The following EHMT1 variants were observed in gnomAD, a reference collection of about 807,000 sequenced individuals.
The protein encoded by EHMT1 is histone-lysine N-methyltransferase EHMT1.
EHMT1 carries 15 observed loss-of-function variants against 147.2 expected under a neutral mutation model. The observed-to-expected ratio is 0.10, with a 90% confidence interval of 0.07 to 0.16. The LOEUF (loss-of-function observed/expected upper bound fraction) is 0.16, where lower values mean the gene tolerates loss of function less well. Ranked by LOEUF, EHMT1 falls within the 10% of genes least tolerant of loss-of-function variation. The probability of loss-of-function intolerance (pLI) is 1.00; values close to 1 mark genes in which losing one functional copy is unlikely to be tolerated. For missense variants in EHMT1, 1,587 were observed against 1,772.4 expected (o/e 0.90, Z 1.88); for synonymous variants, 795 against 709.6 (o/e 1.12, Z -1.91).
At chr9:137,742,435 G>T (rs1015106211) in intron 4 of EHMT1, among the ~76,000 whole-genome samples, 1 of 152,034 alleles carries the variant, frequency 6.6e-6, no homozygotes, top group Non-Finnish European at 1.5e-5. Context: ...GGGTCTTCAG[G>T]TGTGAGCTGC....
intron 13 of EHMT1, 76 bp from the exon 14 acceptor site, chr9:137,779,559 G>A (rs926711645): frequency 1.5e-5 from 22 of 1,514,702 alleles, no homozygotes; most frequent in African/African-American, 5.5e-5. Context: ...GGAGATGTCC[G>A]CCGGGCCTTC....
Position 137,774,568 on chromosome 9 carries a change from C to T in EHMT1, c.1648-541C>T, listed in dbSNP as rs1187480610. Among the ~76,000 whole-genome samples the T allele has an allele frequency of 5.3e-5, 6 of 113,530 alleles. No homozygotes were observed. In the East Asian group the frequency reaches 1.1e-3, roughly 20 times the overall value. The allele number at this position is 113,530 out of a possible 152,430, so 74.5% of individuals were successfully genotyped here. ...CCCCTGGATCTGGTGGGTGTGGGCA[C>T]GCCTGCCCCCTGGATCTGGTGGGTA... is the stretch of plus-strand genomic sequence containing the variant. On this transcript the variant is annotated intron_variant, in intron 10 of 26. Transcript: ENST00000460843.
intron 18 of EHMT1, among the ~76,000 whole-genome samples, chr9:137,807,005 C>T (rs1954004186): frequency 6.6e-6 from 1 of 152,182 alleles, no homozygotes; most frequent in African/African-American, 2.4e-5. Context: ...CTTAGTTTGT[C>T]TGTAAAGCAA....
intron 1 of EHMT1, among the ~76,000 whole-genome samples, chr9:137,688,495 G>A (rs1242241919): frequency 6.6e-6 from 1 of 152,174 alleles, no homozygotes; most frequent in African/African-American, 2.4e-5. Flanking sequence ...CACATGGAGG[G>A]CCACACTGAT....
intron 1 of EHMT1, among the ~76,000 whole-genome samples, chr9:137,672,321 T>C (rs1940765557): frequency 6.7e-6 from 1 of 150,004 alleles, no homozygotes; most frequent in Non-Finnish European, 1.5e-5. Flanking sequence ...AAAACTAACT[T>C]GATGCCATTT....
intron 3 of EHMT1, among the ~76,000 whole-genome samples, chr9:137,722,583 C>T (rs953800945): frequency 3.3e-5 from 5 of 152,156 alleles, no homozygotes; most frequent in Admixed American, 3.3e-4. Context: ...GCGGCAGAGA[C>T]TATGGGTGGG....
At chr9:137,718,327 C>T (rs1393029640) in intron 3 of EHMT1, among the ~76,000 whole-genome samples, 1 of 152,258 alleles carries the variant, frequency 6.6e-6, no homozygotes, top group Non-Finnish European at 1.5e-5. Flanking sequence ...TTAGTGTGCT[C>T]TCTCAGTTTG....
chr9:137,774,992 C>T (rs190138655), intron 10 of EHMT1, 117 bp from the exon 11 acceptor site: 628 of 1,472,796 alleles, frequency 4.3e-4, no homozygotes, highest in Non-Finnish European at 4.0e-4. Flanking sequence ...GGGCTCGGCT[C>T]AGTCAGCCCA....
At chr9:137,831,730 C>T (rs1452749834) in intron 25 of EHMT1, among the ~76,000 whole-genome samples, 1 of 152,216 alleles carries the variant, frequency 6.6e-6, no homozygotes, top group Non-Finnish European at 1.5e-5. Flanking sequence ...AGTGTTCTTT[C>T]GGACGTGTTC....
intron 23 of EHMT1, chr9:137,816,347 C>T: frequency 4.2e-6 from 2 of 478,192 alleles, no homozygotes; most frequent in Non-Finnish European, 7.7e-6. Flanking sequence ...CTAAGAATTA[C>T]CTTTGTTACC....
rs150913663 is a variant in EHMT1 at position 137,811,575 on chromosome 9, C to T, written c.2827C>T (p.Leu943=). 86 of 1,606,334 alleles carry T rather than the reference C, an allele frequency of 5.4e-5. 2 individuals carry two copies. The East Asian group carries it at 1.9e-3, about 35-fold the overall frequency. ...CGTGAACATCCACGGAGACTCGCCA[C>T]TGCACATTGCCGCCCGGGAGAACCG... The part of the protein sequence containing the change: ...HAVNIHGDSP[L]HIAARENRYD... The change falls in exon 19 of 27, where the codon CTG becomes TTG. Residue 943 remains leucine (L), a synonymous_variant. Coordinates refer to ENST00000460843, the MANE Select transcript of EHMT1 (RefSeq NM_024757.5).
At chr9:137,690,941 A>G (rs960772637) in intron 1 of EHMT1, among the ~76,000 whole-genome samples, 25 of 152,390 alleles carry the variant, frequency 1.6e-4, no homozygotes, top group African/African-American at 5.5e-4. Flanking sequence ...TTATGACAAC[A>G]TATACATAAC....
intron 4 of EHMT1, among the ~76,000 whole-genome samples, chr9:137,736,659 C>T (rs188649661): frequency 6.6e-4 from 100 of 152,328 alleles, no homozygotes; most frequent in African/African-American, 2.0e-3. Context: ...GGGAGGCTGA[C>T]GTGGGTGGAT....
chr9:137,774,339 G>A (rs987688464), intron 10 of EHMT1, among the ~76,000 whole-genome samples: 2 of 152,088 alleles, frequency 1.3e-5, no homozygotes, highest in Admixed American at 6.6e-5. Flanking sequence ...ATGTGGTCGC[G>A]TCTGGCCCCC....
intron 2 of EHMT1, among the ~76,000 whole-genome samples, chr9:137,715,020 A>G (rs1372528485): frequency 6.6e-6 from 1 of 151,444 alleles, no homozygotes; most frequent in Admixed American, 6.6e-5. Flanking sequence ...TTTTTTTCTT[A>G]CATTTTCTAG....
At chr9:137,692,803 T>C (rs1943058432) in intron 1 of EHMT1, among the ~76,000 whole-genome samples, 2 of 152,268 alleles carry the variant, frequency 1.3e-5, no homozygotes, top group Admixed American at 6.5e-5. Flanking sequence ...GCGCAGTGTC[T>C]GTTGCTGCTG....
intron 1 of EHMT1, among the ~76,000 whole-genome samples, chr9:137,631,328 G>T (rs1434001473): frequency 6.6e-6 from 1 of 151,706 alleles, no homozygotes; most frequent in Non-Finnish European, 1.5e-5. Flanking sequence ...GGAGGTGGAG[G>T]TTGCAGTGAC....
chr9:137,763,328 G>A (rs571881252), intron 10 of EHMT1: 40 of 207,592 alleles, frequency 1.9e-4, no homozygotes, highest in African/African-American at 3.4e-4. Context: ...GAGCACAGAC[G>A]GAATTAATGT....
At chr9:137,710,334 G>A (rs979399803) in intron 1 of EHMT1, among the ~76,000 whole-genome samples, 1 of 152,086 alleles carries the variant, frequency 6.6e-6, no homozygotes, top group African/African-American at 2.4e-5. Flanking sequence ...GCATCTGGGT[G>A]TGGTGGTGTG....
Sources: gnomAD v4.1 joint callset for allele counts (sites outside exome capture counted in the v4.1 genomes callset) on GRCh38, gnomAD v4.1.1 for gene constraint, MANE v1.5 for transcripts, NCBI Gene and HGNC (gene_info 2026-07-23, HGNC 2026-07-21) for gene names.